The following CSMD1 variants were observed in gnomAD, a reference collection of about 807,000 sequenced individuals.
CSMD1 encodes CUB and Sushi multiple domains 1, also known as CUB and sushi domain-containing protein 1.
In CSMD1, 213 loss-of-function variants were observed where a neutral mutation model predicts 417.5. The ratio of observed to expected loss-of-function variants is 0.51; its 90% CI spans 0.46 to 0.57. CSMD1 has a LOEUF of 0.57. CSMD1 is among the 20% of genes least tolerant of loss of function. CSMD1 has a pLI of 0.00. For synonymous variants in CSMD1, 2,862 were observed against 1,736.8 expected, an observed-to-expected ratio of 1.65 and a Z score of -16.11; for missense variants, 6,923 against 4,529.7, an observed-to-expected ratio of 1.53 and a Z score of -15.17.
intron 7 of CSMD1, among the ~76,000 whole-genome samples, chr8:3,685,948 T>G (rs1450414591): frequency 3.3e-5 from 5 of 152,078 alleles, no homozygotes; most frequent in Non-Finnish European, 5.9e-5. Context: ...GTACAATTAT[T>G]TTTTACTATA....
intron 1 of CSMD1, among the ~76,000 whole-genome samples, chr8:4,927,951 T>C (rs1375765100): frequency 6.6e-6 from 1 of 152,096 alleles, no homozygotes; most frequent in African/African-American, 2.4e-5. Context: ...CCACACTACA[T>C]CTCCAGTGAT....
At chr8:3,774,877 G>A (rs62479704) in intron 5 of CSMD1, among the ~76,000 whole-genome samples, 12 of 151,912 alleles carry the variant, frequency 7.9e-5, no homozygotes, top group African/African-American at 2.9e-4. Flanking sequence ...ACAGAGTGCT[G>A]AGCCCATATG....
At chr8:4,544,069 G>A (rs1035253761) in intron 2 of CSMD1, among the ~76,000 whole-genome samples, 5 of 152,108 alleles carry the variant, frequency 3.3e-5, no homozygotes, top group Admixed American at 2.0e-4. Flanking sequence ...TTCCCAGTCT[G>A]TGGCTTGCCT....
At chr8:4,704,742 C>G (rs1329306208) in intron 1 of CSMD1, among the ~76,000 whole-genome samples, 3 of 152,076 alleles carry the variant, frequency 2.0e-5, no homozygotes, top group Non-Finnish European at 4.4e-5. Context: ...TTCAAATGTT[C>G]TGGATATGTG....
intron 7 of CSMD1, among the ~76,000 whole-genome samples, chr8:3,693,959 G>T (rs1360295455): frequency 2.6e-5 from 4 of 151,046 alleles, no homozygotes; most frequent in Non-Finnish European, 4.4e-5. Context: ...GGATATAGGG[G>T]TGTGTGTGTG....
chr8:3,889,207 C>A (rs931689673), intron 5 of CSMD1, among the ~76,000 whole-genome samples: 3 of 151,234 alleles, frequency 2.0e-5, no homozygotes, highest in Non-Finnish European at 4.4e-5. Context: ...AACTTAGCAG[C>A]AGCAATAATA....
intron 10 of CSMD1, among the ~76,000 whole-genome samples, chr8:3,550,893 C>G (rs562448232): frequency 6.6e-6 from 1 of 152,306 alleles, no homozygotes; most frequent in East Asian, 1.9e-4. Flanking sequence ...TCTGCTTCCA[C>G]TCGAAAATAG....
chr8:3,506,911 G>A (rs1054098713), intron 10 of CSMD1, among the ~76,000 whole-genome samples: 17 of 151,924 alleles, frequency 1.1e-4, no homozygotes, highest in African/African-American at 3.6e-4. Flanking sequence ...AATAAATATT[G>A]GCAACATCAC....
At chr8:3,221,859 G>A (rs1479624578) in intron 28 of CSMD1, among the ~76,000 whole-genome samples, 1 of 151,992 alleles carries the variant, frequency 6.6e-6, no homozygotes, top group African/African-American at 2.4e-5. Flanking sequence ...CAGGTCATAT[G>A]ATTCTTTGCC....
At chr8:4,000,102 C>T (rs947073033) in intron 4 of CSMD1, among the ~76,000 whole-genome samples, 1 of 152,240 alleles carries the variant, frequency 6.6e-6, no homozygotes, top group Admixed American at 6.5e-5. Flanking sequence ...TCTGTCCTGC[C>T]CCCCGCCCTC....
chr8:4,848,503 TA>T (rs947596076), intron 1 of CSMD1, among the ~76,000 whole-genome samples: 2 of 152,174 alleles, frequency 1.3e-5, no homozygotes, highest in African/African-American at 4.8e-5. Flanking sequence ...TGCCAGTCAT[TA>T]AAAGTCTAGC....
At chr8:4,760,229 G>A (rs1449091002) in intron 1 of CSMD1, among the ~76,000 whole-genome samples, 1 of 152,172 alleles carries the variant, frequency 6.6e-6, no homozygotes, top group East Asian at 1.9e-4. Context: ...ATTGTTATAT[G>A]CACTATTTTT....
intron 1 of CSMD1, among the ~76,000 whole-genome samples, chr8:4,664,793 G>A (rs983616780): frequency 1.3e-5 from 2 of 151,982 alleles, no homozygotes; most frequent in Admixed American, 6.6e-5. Flanking sequence ...TGGAAATTAT[G>A]GCATCTTTAT....
chr8:3,602,851 T>C lies in CSMD1; in HGVS notation c.1097+13859A>G, dbSNP rs541189115. On this transcript the variant is annotated intron_variant, in intron 8 of 69. Transcript: ENST00000635120. ...TGACAAACTGGGCTTTTGTTGATAA[T>C]TCATCAACTATGTTTTGTATTTTGA... Among the ~76,000 whole-genome samples, 121 of 152,278 alleles carry C rather than the reference T, an allele frequency of 7.9e-4. 1 individual carries two copies. The highest frequency in any genetic ancestry group is 1.5e-3 in the Non-Finnish European group (102 of 68,028).
At chr8:4,052,624 T>C (rs1159173823) in intron 3 of CSMD1, among the ~76,000 whole-genome samples, 1 of 152,160 alleles carries the variant, frequency 6.6e-6, no homozygotes, top group East Asian at 1.9e-4. Context: ...GACCAGTATT[T>C]CAACCTAGGC....
chr8:3,356,122 G>A (rs776473100), intron 21 of CSMD1, among the ~76,000 whole-genome samples: 2 of 152,270 alleles, frequency 1.3e-5, no homozygotes, highest in Middle Eastern at 3.4e-3. Flanking sequence ...AGGTTAAAAC[G>A]GCACACTTTT....
intron 12 of CSMD1, among the ~76,000 whole-genome samples, chr8:3,432,411 G>C (rs139291882): frequency 2.0e-4 from 30 of 151,818 alleles, no homozygotes; most frequent in African/African-American, 7.2e-4. Flanking sequence ...GCAGGTAATG[G>C]TTGCCAAGTC....
chr8:4,207,737 G>C (rs1370974812), intron 3 of CSMD1, among the ~76,000 whole-genome samples: 4 of 151,996 alleles, frequency 2.6e-5, no homozygotes, highest in African/African-American at 9.7e-5. Context: ...AATAACAGTA[G>C]ATACTGTAAC....
At chr8:4,195,874 C>G (rs534428553) in intron 3 of CSMD1, among the ~76,000 whole-genome samples, 1 of 152,144 alleles carries the variant, frequency 6.6e-6, no homozygotes, top group East Asian at 1.9e-4. Context: ...GCGAGACTTA[C>G]GGCAGAGGAC....
Sources: gnomAD v4.1 joint callset for allele counts (sites outside exome capture counted in the v4.1 genomes callset) on GRCh38, gnomAD v4.1.1 for gene constraint, MANE v1.5 for transcripts, NCBI Gene and HGNC (gene_info 2026-07-23, HGNC 2026-07-21) for gene names.